The following SYN3 variants were observed in gnomAD, a reference collection of about 807,000 sequenced individuals.
SYN3 encodes synapsin III.
SYN3 carries 35 observed loss-of-function variants against 65.8 expected under a neutral mutation model. The observed-to-expected ratio is 0.53, with a 90% CI of 0.41 to 0.70. SYN3 has a LOEUF of 0.70. SYN3 is among the 30% of genes least tolerant of loss of function. The pLI, the probability that SYN3 is intolerant of heterozygous loss-of-function variation, is 0.00. For synonymous variants in SYN3, 270 were observed against 292.9 expected (o/e 0.92, Z 0.80); for missense variants, 680 against 749.0 (o/e 0.91, Z 1.08).
intron 7 of SYN3, chr22:32,584,017 C>G (rs1248363126): frequency 6.6e-6 from 1 of 152,180 alleles, no homozygotes; most frequent in Non-Finnish European, 1.5e-5. Context: ...CACGAGAATG[C>G]AGTTTCTTCA....
chr22:32,587,882 C>T (rs938634707), intron 7 of SYN3, among the ~76,000 whole-genome samples: 8 of 152,102 alleles, frequency 5.3e-5, no homozygotes, highest in Admixed American at 2.6e-4. Flanking sequence ...ACCTGCATGG[C>T]GGAGTGTTAG....
chr22:32,774,915 T>C (rs1274121071), intron 6 of SYN3, among the ~76,000 whole-genome samples: 1 of 152,238 alleles, frequency 6.6e-6, no homozygotes, highest in Non-Finnish European at 1.5e-5. Flanking sequence ...TGGTTACCCA[T>C]TCCACTCATT....
chr22:32,998,791 A>AAACAAAAAAAAAAAAAAAC (rs60425395), intron 2 of SYN3, among the ~76,000 whole-genome samples: 1 of 142,254 alleles, frequency 7.0e-6, no homozygotes, highest in Non-Finnish European at 1.5e-5. Context: ...AAAAAAAAAA[A>AAACAAAAAAAAAAAAAAAC]AAAAAAAACA....
At chr22:32,593,475 A>AG (rs2146568778) in intron 7 of SYN3, among the ~76,000 whole-genome samples, 1 of 152,312 alleles carries the variant, frequency 6.6e-6, no homozygotes, top group Non-Finnish European at 1.5e-5. Flanking sequence ...AACATTAACA[A>AG]GGGGCAATTG....
intron 6 of SYN3, among the ~76,000 whole-genome samples, chr22:32,751,664 G>A (rs1438736728): frequency 6.6e-6 from 1 of 152,194 alleles, no homozygotes; most frequent in African/African-American, 2.4e-5. Flanking sequence ...AATCAGAACA[G>A]GAGGAATAAT....
At chr22:32,691,496 C>A (rs1855758684) in intron 6 of SYN3, among the ~76,000 whole-genome samples, 1 of 152,120 alleles carries the variant, frequency 6.6e-6, no homozygotes, top group African/African-American at 2.4e-5. Flanking sequence ...TCTTGCCTAA[C>A]AGAAGAGAAA....
At chr22:33,028,297 A>ATTT (rs2053672724) in intron 1 of SYN3, among the ~76,000 whole-genome samples, 1 of 152,112 alleles carries the variant, frequency 6.6e-6, no homozygotes, top group African/African-American at 2.4e-5. Context: ...CAGCCTCAGG[A>ATTT]TTTCCCTGGA....
chr22:32,553,239 T>G lies in SYN3; in HGVS notation c.775-11526A>C, dbSNP rs1234185979. On this transcript the variant is annotated intron_variant, in intron 7 of 13. Coordinates refer to ENST00000358763, the MANE Select transcript of SYN3 (RefSeq NM_003490.4). Reference sequence around the variant, plus strand: ...ACACAATTCAGTCCAGAGCATCTCATGTCCTCATGTCCTCTCCTTAAAGCA... The same window carrying G: ...ACACAATTCAGTCCAGAGCATCTCAGGTCCTCATGTCCTCTCCTTAAAGCA... Among the ~76,000 whole-genome samples the G allele has an allele frequency of 2.0e-5, 3 of 152,240 alleles. No individual in the cohort carries two copies. In the East Asian group the frequency reaches 5.8e-4, roughly 29 times the overall value.
At position 32,518,041 on chromosome 22, in the gene SYN3, A is replaced by C. The variant is rs2057807315; in HGVS notation, c.1610+2T>G. 1 of 1,514,718 alleles carries C rather than the reference A, an allele frequency of 6.6e-7. No individual in the cohort carries two copies. Among genetic ancestry groups the C allele is most frequent in the South Asian group, 1.4e-5 (1 of 73,454 alleles). The allele number at this position is 1,514,718 out of a possible 1,614,324, so 93.8% of individuals were successfully genotyped here. A position where few individuals can be genotyped will look rare whatever the true frequency, so the allele number is the denominator to read the frequency against. On this transcript the variant is annotated splice_donor_variant, in intron 13 of 13. Transcript: ENST00000358763. LOFTEE classifies it high-confidence loss of function. Reference sequence around the variant, plus strand: ...ACCTTTTCCAATTCCCAAAGCACTTACTTGAGATGCGGATGGGGTGGTGCT... The same window carrying C: ...ACCTTTTCCAATTCCCAAAGCACTTCCTTGAGATGCGGATGGGGTGGTGCT...
intron 7 of SYN3, among the ~76,000 whole-genome samples, chr22:32,542,949 G>C (rs73172135): frequency 0.14 from 21,012 of 152,012 alleles, 1,757 homozygotes; most frequent in African/African-American, 0.24. Flanking sequence ...CCACTTCCCT[G>C]TCACCCTCAC....
chr22:32,841,736 G>A (rs891393505), intron 6 of SYN3, among the ~76,000 whole-genome samples: 1 of 152,000 alleles, frequency 6.6e-6, no homozygotes, highest in Non-Finnish European at 1.5e-5. Context: ...ATGCACACTC[G>A]GCTTAATACC....
intron 6 of SYN3, among the ~76,000 whole-genome samples, chr22:32,857,756 C>A (rs147736491): frequency 6.6e-6 from 1 of 152,308 alleles, no homozygotes; most frequent in Admixed American, 6.5e-5. Flanking sequence ...GAAGAGTTGG[C>A]CTCTAGTCCT....
intron 6 of SYN3, among the ~76,000 whole-genome samples, chr22:32,600,069 C>T (rs923064813): frequency 1.3e-5 from 2 of 152,072 alleles, no homozygotes; most frequent in Non-Finnish European, 2.9e-5. Flanking sequence ...CAGAGCATTG[C>T]ATTTATTGTG....
chr22:32,534,385 C>A (rs2058128560), intron 9 of SYN3, among the ~76,000 whole-genome samples: 1 of 151,742 alleles, frequency 6.6e-6, no homozygotes, highest in Non-Finnish European at 1.5e-5. Context: ...CCAGCCCTGG[C>A]CGGACAAGAG....
intron 6 of SYN3, among the ~76,000 whole-genome samples, chr22:32,708,070 A>C (rs139505249): frequency 1.3e-3 from 196 of 152,340 alleles, no homozygotes; most frequent in Non-Finnish European, 2.6e-3. Flanking sequence ...CACATCTGAC[A>C]GTTGGATTAT....
At chr22:32,781,093 CTCCCTTCT>C (rs2046052207) in intron 6 of SYN3, among the ~76,000 whole-genome samples, 1 of 136,006 alleles carries the variant, frequency 7.4e-6, no homozygotes, top group Non-Finnish European at 1.6e-5. Context: ...TCCTCCCTTC[CTCCCTTCT>C]TCCTTCTCTG....
At chr22:32,939,366 T>C (rs761021079) in intron 3 of SYN3, among the ~76,000 whole-genome samples, 20 of 152,122 alleles carry the variant, frequency 1.3e-4, no homozygotes, top group Non-Finnish European at 2.5e-4. Context: ...AACAGTGCCT[T>C]GAAAAGGAAA....
intron 7 of SYN3, among the ~76,000 whole-genome samples, chr22:32,542,962 C>T (rs146769598): frequency 0.012 from 1,887 of 152,194 alleles, 21 homozygotes; most frequent in Middle Eastern, 0.027. Flanking sequence ...ACCCTCACCC[C>T]GACAGCAGAG....
chr22:32,750,705 G>C (rs947293226), intron 6 of SYN3, among the ~76,000 whole-genome samples: 1 of 152,212 alleles, frequency 6.6e-6, no homozygotes, highest in Non-Finnish European at 1.5e-5. Flanking sequence ...CGAAGGGTGA[G>C]AGATGGTTGG....
Sources: gnomAD v4.1 joint callset for allele counts (sites outside exome capture counted in the v4.1 genomes callset) on GRCh38, gnomAD v4.1.1 for gene constraint, MANE v1.5 for transcripts, NCBI Gene and HGNC (gene_info 2026-07-23, HGNC 2026-07-21) for gene names.